FOXB2: variants seen among roughly 807,000 people sequenced by gnomAD.
The protein encoded by FOXB2 is forkhead box B2, also known as forkhead box protein B2.
FOXB2 carries 1 observed loss-of-function variant against 0.9 expected under a neutral mutation model. The observed-to-expected ratio is 1.09, with a 90% CI of 0.39 to 5.18. The LOEUF (loss-of-function observed/expected upper bound fraction) is 5.18. FOXB2 is among the 30% of genes most tolerant of loss of function. FOXB2 has a pLI of 0.16. For synonymous variants in FOXB2, 322 were observed against 293.5 expected (o/e 1.10, Z -0.99); for missense variants, 670 against 626.6 (o/e 1.07, Z -0.74).
chr9:77,019,844 A>G lies in FOXB2; in HGVS notation c.190A>G (p.Asn64Asp). 1.2e-6 allele frequency: 2 copies of G among 1,614,034 alleles called. No homozygotes were observed. Among genetic ancestry groups the G allele is most frequent in the African/African-American group, 1.3e-5 (1 of 75,008 alleles). Residue 64 changes from asparagine (N) to aspartate (D), a missense_variant, in exon 1 of 1, where the codon AAC becomes GAC. Physicochemically the swap from Asn to Asp is conservative, Grantham distance 23 (BLOSUM62 1). Transcript: ENST00000376708. The surrounding 1 kb of genome is among the most constrained non-coding windows in gnomAD (Gnocchi z 4.4). ...GCGCTGGCAGAACAGCCTGCGCCAC[A>G]ACCTCTCCTTCAACGACTGCTTCAT... is the stretch of plus-strand genomic sequence containing the variant. ...TQRWQNSLRH[N>D]LSFNDCFIKI...
chr9:77,020,483 G>A lies in FOXB2; in HGVS notation c.829G>A (p.Gly277Ser), dbSNP rs1473656122. 22 of 1,607,566 alleles carry A rather than the reference G, an allele frequency of 1.4e-5. No individual in the cohort carries two copies. The highest frequency in any genetic ancestry group is 1.9e-5 in the Non-Finnish European group (22 of 1,178,018). ...CCCCTTTGCCATTGAGAACATTATT[G>A]GCCGGGACTACAAGGGCGTGCTGCA... ...KHPFAIENII[G>S]RDYKGVLQAG... is the part of the protein sequence containing the mutation. Residue 277 changes from glycine (G) to serine (S), a missense_variant, in exon 1 of 1, where the codon GGC (glycine) becomes AGC (serine). By Grantham distance (56) the Gly-to-Ser change is moderately conservative. Transcript: ENST00000376708. This position sits in a 1 kb window ranked among gnomAD's most constrained non-coding sequence, Gnocchi z 4.9.
In FOXB2 at chr9:77,019,840, C is replaced by T; in HGVS notation, c.186C>T (p.Arg62=). The T allele has an allele frequency of 6.2e-7, 1 of 1,614,140 alleles. No individual in the cohort carries two copies. Among genetic ancestry groups the T allele is most frequent in the Non-Finnish European group, 8.5e-7 (1 of 1,180,022 alleles). ...CACAGCGCTGGCAGAACAGCCTGCG[C>T]CACAACCTCTCCTTCAACGACTGCT... is the stretch of plus-strand genomic sequence containing the variant. ...EHTQRWQNSL[R]HNLSFNDCFI... The change falls in exon 1 of 1, where the codon CGC becomes CGT. Residue 62 remains arginine (R), a synonymous_variant. Transcript: ENST00000376708. This position sits in a 1 kb window ranked among gnomAD's most constrained non-coding sequence, Gnocchi z 4.4.
In FOXB2 at chr9:77,020,362, C is replaced by T. The variant is rs767625446; in HGVS notation, c.708C>T (p.Gly236=). The T allele has an allele frequency of 4.6e-6, 6 of 1,311,386 alleles. No individual in the cohort carries two copies. Among genetic ancestry groups the T allele is most frequent in the Non-Finnish European group, 5.8e-6 (6 of 1,034,516 alleles). The allele number at this position is 1,311,386 out of a possible 1,614,324, so 81.2% of individuals were successfully genotyped here. ...CGGCGGCCGCGGCAGCCGCGGTGGG[C>T]AGCGTGGGACGCCTGTCTCAGTTCC... ...AAAAAAAAAV[G]SVGRLSQFPP... Residue 236 remains glycine, a synonymous_variant, in exon 1 of 1, where the codon GGC becomes GGT. Coordinates refer to ENST00000376708, the MANE Select transcript of FOXB2 (RefSeq NM_001013735.1). This position sits in a 1 kb window ranked among gnomAD's most constrained non-coding sequence, Gnocchi z 4.9.
In FOXB2 at chr9:77,020,813, G is replaced by C. The variant is rs377521125; in HGVS notation, c.1159G>C (p.Ala387Pro). The change falls in exon 1 of 1, where the codon GCT becomes CCT. Residue 387 changes from alanine (A) to proline (P), a missense_variant. Ala to Pro is a conservative substitution (Grantham distance 27). Coordinates refer to ENST00000376708, the MANE Select transcript of FOXB2 (RefSeq NM_001013735.1). This position sits in a 1 kb window ranked among gnomAD's most constrained non-coding sequence, Gnocchi z 4.9. ...ALQPGLTVPA[A>P]SQQPPAPSTV... ...GCAGCCGGGGCTCACTGTCCCCGCGGCTTCGCAGCAGCCTCCGGCGCCATC... is the reference window on the plus strand; with the variant it reads ...GCAGCCGGGGCTCACTGTCCCCGCGCCTTCGCAGCAGCCTCCGGCGCCATC... 7.2e-4 allele frequency: 1,115 copies of C among 1,556,488 alleles called. 3 individuals are homozygous for C. Among genetic ancestry groups the C allele is most frequent in the Middle Eastern group, 5.7e-3 (34 of 5,922 alleles).
Position 77,020,042 on chromosome 9 carries a change from G to A in FOXB2, c.388G>A (p.Ala130Thr). 6.2e-7 allele frequency: 1 copy of A among 1,605,992 alleles called. No homozygotes were observed. Among genetic ancestry groups the A allele is most frequent in the South Asian group, 1.1e-5 (1 of 90,384 alleles). Residue 130 changes from alanine (A) to threonine (T), a missense_variant, in exon 1 of 1, where the codon GCC becomes ACC. Ala to Thr is a moderately conservative substitution (Grantham distance 58). Coordinates refer to ENST00000376708, the MANE Select transcript of FOXB2 (RefSeq NM_001013735.1). The surrounding 1 kb of genome is among the most constrained non-coding windows in gnomAD (Gnocchi z 4.9). ...HAGSTKSAPG[A>T]GPGGHLHPHH... ...GGGAAGCACCAAGAGCGCGCCGGGCGCCGGTCCGGGAGGGCACCTTCACCC... is the reference window on the plus strand; with the variant it reads ...GGGAAGCACCAAGAGCGCGCCGGGCACCGGTCCGGGAGGGCACCTTCACCC...
Position 77,020,260 on chromosome 9 carries a change from G to T in FOXB2, c.606G>T (p.Pro202=), listed in dbSNP as rs2063911379. The T allele has an allele frequency of 1.5e-6, 2 of 1,320,756 alleles. No individual in the cohort carries two copies. Among genetic ancestry groups the T allele is most frequent in the Non-Finnish European group, 2.2e-6 (2 of 929,978 alleles). 81.8% of individuals were successfully genotyped at this position (1,320,756 alleles called of 1,614,324 possible). The change falls in exon 1 of 1, where the codon CCG becomes CCT. Residue 202 remains proline, a synonymous_variant. Coordinates refer to ENST00000376708, the MANE Select transcript of FOXB2 (RefSeq NM_001013735.1). The surrounding 1 kb of genome is among the most constrained non-coding windows in gnomAD (Gnocchi z 4.9). ...PHLPSQPPQQ[P]PQQSQPQQPS... Reference sequence around the variant, plus strand: ...TCCCGTCACAGCCCCCGCAGCAACCGCCCCAGCAGTCGCAGCCTCAGCAGC... The same window carrying T: ...TCCCGTCACAGCCCCCGCAGCAACCTCCCCAGCAGTCGCAGCCTCAGCAGC...
chr9:77,020,712 A>C lies in FOXB2; in HGVS notation c.1058A>C (p.His353Pro). The C allele has an allele frequency of 1.3e-6, 2 of 1,597,804 alleles. No homozygotes were observed. The highest frequency in any genetic ancestry group is 1.4e-5 in the African/African-American group (1 of 73,842). ...GGGGTCCCGGTCAAGTCCCTGTGCC[A>C]CTCGGCAAGCCAGAGCCTGCCTGCC... Reference protein sequence around the residue: ...AFGVPVKSLCHSASQSLPAMP... With the variant: ...AFGVPVKSLCPSASQSLPAMP... The change falls in exon 1 of 1, where the codon CAC (histidine) becomes CCC (proline). Residue 353 changes from histidine to proline, a missense_variant. Transcript: ENST00000376708. This position sits in a 1 kb window ranked among gnomAD's most constrained non-coding sequence, Gnocchi z 4.9.
Position 77,020,116 on chromosome 9 carries a change from ACAC to A in FOXB2, c.471_473del (p.His161del), listed in dbSNP as rs1564571574. 6.3e-6 allele frequency: 9 copies of A among 1,432,174 alleles called. No homozygotes were observed. Among genetic ancestry groups the A allele is most frequent in the Non-Finnish European group, 7.5e-6 (8 of 1,070,848 alleles). 88.7% of individuals were successfully genotyped at this position (1,432,174 alleles called of 1,614,324 possible). On this transcript the variant is annotated inframe_deletion, in exon 1 of 1. Coordinates refer to ENST00000376708, the MANE Select transcript of FOXB2 (RefSeq NM_001013735.1). This position sits in a 1 kb window ranked among gnomAD's most constrained non-coding sequence, Gnocchi z 4.9. Reference sequence around the variant, plus strand: ...ACCACCATCATCACCACGCTGCCGCACACCACCACCATCACCACCACCCACCCC... The same window carrying A: ...ACCACCATCATCACCACGCTGCCGCACACCACCATCACCACCACCCACCCC...
In FOXB2 at chr9:77,020,669, C is replaced by T; in HGVS notation, c.1015C>T (p.Pro339Ser). 1.2e-6 allele frequency: 2 copies of T among 1,604,174 alleles called. No homozygotes were observed. Among genetic ancestry groups the T allele is most frequent in the Non-Finnish European group, 1.7e-6 (2 of 1,176,644 alleles). ...AAAAAGVPVG[P>S]EYGAFGVPVK... is the part of the protein sequence containing the mutation. ...AGCCGCAGCCGGAGTCCCTGTAGGCCCGGAGTATGGGGCCTTCGGGGTCCC... is the reference window on the plus strand; with the variant it reads ...AGCCGCAGCCGGAGTCCCTGTAGGCTCGGAGTATGGGGCCTTCGGGGTCCC... The change falls in exon 1 of 1, where the codon CCG (proline) becomes TCG (serine). Residue 339 changes from proline (P) to serine (S), a missense_variant. By Grantham distance (74) the Pro-to-Ser change is moderately conservative. Coordinates refer to ENST00000376708, the MANE Select transcript of FOXB2 (RefSeq NM_001013735.1). The surrounding 1 kb of genome is among the most constrained non-coding windows in gnomAD (Gnocchi z 4.9).
Position 77,020,676 on chromosome 9 carries a change from A to G in FOXB2, c.1022A>G (p.Tyr341Cys), listed in dbSNP as rs1589908667. 6.2e-7 allele frequency: 1 copy of G among 1,603,482 alleles called. No homozygotes were observed. Among genetic ancestry groups the G allele is most frequent in the Non-Finnish European group, 8.5e-7 (1 of 1,176,364 alleles). ...GCCGGAGTCCCTGTAGGCCCGGAGT[A>G]TGGGGCCTTCGGGGTCCCGGTCAAG... ...AAAGVPVGPEYGAFGVPVKSL... is the reference protein window; with the variant it reads ...AAAGVPVGPECGAFGVPVKSL... Residue 341 changes from tyrosine (Y) to cysteine (C), a missense_variant, in exon 1 of 1, where the codon TAT becomes TGT. Coordinates refer to ENST00000376708, the MANE Select transcript of FOXB2 (RefSeq NM_001013735.1). This position sits in a 1 kb window ranked among gnomAD's most constrained non-coding sequence, Gnocchi z 4.9.
chr9:77,020,403 G>C lies in FOXB2; in HGVS notation c.749G>C (p.Gly250Ala), dbSNP rs1487882112. ...TCTCAGTTCCCACCCTACGGGCTGG[G>C]CTCGGCCGCCGCCGCTGCCGCCGCG... ...RLSQFPPYGL[G>A]SAAAAAAAAA... The change falls in exon 1 of 1, where the codon GGC (glycine) becomes GCC (alanine). Residue 250 changes from glycine to alanine, a missense_variant. Physicochemically the swap from Gly to Ala is moderately conservative, Grantham distance 60 (BLOSUM62 0). Transcript: ENST00000376708. This position sits in a 1 kb window ranked among gnomAD's most constrained non-coding sequence, Gnocchi z 4.9. 1.3e-6 allele frequency: 2 copies of C among 1,581,504 alleles called. No homozygotes were observed. Among genetic ancestry groups the C allele is most frequent in the South Asian group, 2.3e-5 (2 of 88,424 alleles).
chr9:77,020,817 C>G lies in FOXB2; in HGVS notation c.1163C>G (p.Ser388Trp). 2 of 1,554,794 alleles carry G rather than the reference C, an allele frequency of 1.3e-6. No individual in the cohort carries two copies. Among genetic ancestry groups the G allele is most frequent in the Non-Finnish European group, 1.7e-6 (2 of 1,156,624 alleles). The change falls in exon 1 of 1, where the codon TCG becomes TGG. Residue 388 changes from serine (S) to tryptophan (W), a missense_variant. Coordinates refer to ENST00000376708, the MANE Select transcript of FOXB2 (RefSeq NM_001013735.1). The surrounding 1 kb of genome is among the most constrained non-coding windows in gnomAD (Gnocchi z 4.9). ...LQPGLTVPAA[S>W]QQPPAPSTVC... is the part of the protein sequence containing the mutation. ...CCGGGGCTCACTGTCCCCGCGGCTT[C>G]GCAGCAGCCTCCGGCGCCATCCACC... is the stretch of plus-strand genomic sequence containing the variant.
rs762621564 is a variant in FOXB2 at position 77,020,766 on chromosome 9, C to T, written c.1112C>T (p.Ala371Val). The change falls in exon 1 of 1, where the codon GCG becomes GTG. Residue 371 changes from alanine to valine, a missense_variant. Physicochemically the swap from Ala to Val is moderately conservative, Grantham distance 64. Coordinates refer to ENST00000376708, the MANE Select transcript of FOXB2 (RefSeq NM_001013735.1). This position sits in a 1 kb window ranked among gnomAD's most constrained non-coding sequence, Gnocchi z 4.9. ...CCGGTGCCCATCAAGCCCACGCCTGCGCTGCCGCCCGTGTCCGCGCTGCAG... is the reference window on the plus strand; with the variant it reads ...CCGGTGCCCATCAAGCCCACGCCTGTGCTGCCGCCCGTGTCCGCGCTGCAG... The part of the protein sequence containing the change: ...AMPVPIKPTP[A>V]LPPVSALQPG... 2.1e-5 allele frequency: 34 copies of T among 1,586,570 alleles called. No homozygotes were observed. The highest frequency in any genetic ancestry group is 2.6e-5 in the Non-Finnish European group (31 of 1,171,226).
rs1484247622 is a variant in FOXB2, at chr9:77,020,317, G to T, written c.663G>T (p.Ala221=). The T allele has an allele frequency of 2.4e-6, 3 of 1,246,072 alleles. No homozygotes were observed. The highest frequency in any genetic ancestry group is 3.0e-6 in the Non-Finnish European group (3 of 992,718). The allele number at this position is 1,246,072 out of a possible 1,614,324, so 77.2% of individuals were successfully genotyped here. The change falls in exon 1 of 1, where the codon GCG becomes GCT. Residue 221 remains alanine (A), a synonymous_variant. Coordinates refer to ENST00000376708, the MANE Select transcript of FOXB2 (RefSeq NM_001013735.1). This position sits in a 1 kb window ranked among gnomAD's most constrained non-coding sequence, Gnocchi z 4.9. ...PSHPGKMQEA[A]AVAAAAAAAA... Reference sequence around the variant, plus strand: ...ACCCCGGCAAGATGCAGGAGGCGGCGGCCGTGGCGGCGGCGGCGGCGGCGG... The same window carrying T: ...ACCCCGGCAAGATGCAGGAGGCGGCTGCCGTGGCGGCGGCGGCGGCGGCGG...
chr9:77,020,238 C>G lies in FOXB2; in HGVS notation c.584C>G (p.Pro195Arg), dbSNP rs766331481. The G allele has an allele frequency of 7.4e-6, 9 of 1,211,034 alleles. No homozygotes were observed. The highest frequency in any genetic ancestry group is 7.0e-5 in the East Asian group (3 of 42,928). 75.0% of individuals were successfully genotyped at this position (1,211,034 alleles called of 1,614,324 possible). Residue 195 changes from proline to arginine, a missense_variant, in exon 1 of 1, where the codon CCG (proline) becomes CGG (arginine). Pro to Arg is a moderately radical substitution (Grantham distance 103, BLOSUM62 -2). Transcript: ENST00000376708. The surrounding 1 kb of genome is among the most constrained non-coding windows in gnomAD (Gnocchi z 4.9). ...PTAPQPPPHLPSQPPQQPPQQ... is the reference protein window; with the variant it reads ...PTAPQPPPHLRSQPPQQPPQQ... ...GCTCCGCAGCCGCCTCCGCACCTCC[C>G]GTCACAGCCCCCGCAGCAACCGCCC...
At position 77,019,669 on chromosome 9, in the gene FOXB2, G is replaced by A. The variant is rs527349996; in HGVS notation, c.15G>A (p.Gly5=). The part of the protein sequence containing the change: MPRP[G]KSSYSDQKPP... Reference sequence around the variant, plus strand: ...AGCCGGGGGCGATGCCGCGGCCGGGGAAGAGCTCGTACAGCGACCAAAAAC... The same window carrying A: ...AGCCGGGGGCGATGCCGCGGCCGGGAAAGAGCTCGTACAGCGACCAAAAAC... The change falls in exon 1 of 1, where the codon GGG becomes GGA. Residue 5 remains glycine, a synonymous_variant. Transcript: ENST00000376708. The surrounding 1 kb of genome is among the most constrained non-coding windows in gnomAD (Gnocchi z 4.4). 305 of 1,582,384 alleles carry A rather than the reference G, an allele frequency of 1.9e-4. 4 individuals carry two copies. In the South Asian group the frequency reaches 3.4e-3, roughly 18 times the overall value.
rs200632663 is a variant in FOXB2 at position 77,020,854 on chromosome 9, G to A, written c.1200G>A (p.Ala400=). The change falls in exon 1 of 1, where the codon GCG becomes GCA. Residue 400 remains alanine, a synonymous_variant. Transcript: ENST00000376708. The surrounding 1 kb of genome is among the most constrained non-coding windows in gnomAD (Gnocchi z 4.9). ...QPPAPSTVCS[A]AAASPVASLL... is the part of the protein sequence containing the mutation. ...CGGCGCCATCCACCGTGTGCTCCGC[G>A]GCCGCGGCCTCGCCCGTTGCCTCTC... 5.2e-6 allele frequency: 8 copies of A among 1,548,438 alleles called. No homozygotes were observed. The highest frequency in any genetic ancestry group is 6.9e-6 in the Non-Finnish European group (8 of 1,153,636).
rs148665093 is a variant in FOXB2 at position 77,020,523 on chromosome 9, C to G, written c.869C>G (p.Pro290Arg). The change falls in exon 1 of 1, where the codon CCC becomes CGC. Residue 290 changes from proline (P) to arginine (R), a missense_variant. Pro to Arg is a moderately radical substitution (Grantham distance 103, BLOSUM62 -2). Transcript: ENST00000376708. This position sits in a 1 kb window ranked among gnomAD's most constrained non-coding sequence, Gnocchi z 4.9. ...GGCGTGCTGCAGGCTGGAGGGCTGC[C>G]CTTGGCGTCCGTCATGCACCACCTG... is the stretch of plus-strand genomic sequence containing the variant. ...YKGVLQAGGL[P>R]LASVMHHLGY... 6.2e-7 allele frequency: 1 copy of G among 1,610,584 alleles called. No individual in the cohort carries two copies. The highest frequency in any genetic ancestry group is 1.3e-5 in the African/African-American group (1 of 74,484).
In FOXB2 at chr9:77,019,765, C is replaced by A; in HGVS notation, c.111C>A (p.Ser37Arg). The A allele has an allele frequency of 6.2e-7, 1 of 1,614,128 alleles. No homozygotes were observed. Among genetic ancestry groups the A allele is most frequent in the Non-Finnish European group, 8.5e-7 (1 of 1,180,024 alleles). The change falls in exon 1 of 1, where the codon AGC (serine) becomes AGA (arginine). Residue 37 changes from serine to arginine, a missense_variant. Ser to Arg is a moderately radical substitution (Grantham distance 110). Coordinates refer to ENST00000376708, the MANE Select transcript of FOXB2 (RefSeq NM_001013735.1). The surrounding 1 kb of genome is among the most constrained non-coding windows in gnomAD (Gnocchi z 4.4). Reference sequence around the variant, plus strand: ...CGGCCGAGAAGATGCTGCCGCTGAGCGACATCTACAAGTTCATCATGGAGC... The same window carrying A: ...CGGCCGAGAAGATGCTGCCGCTGAGAGACATCTACAAGTTCATCATGGAGC... Reference protein sequence around the residue: ...QHSAEKMLPLSDIYKFIMERF... With the variant: ...QHSAEKMLPLRDIYKFIMERF...
Sources: allele counts gnomAD v4.1 joint callset, GRCh38; gene constraint gnomAD v4.1.1; non-coding constraint Gnocchi (gnomAD v3.1); transcripts MANE v1.5; gene names NCBI Gene and HGNC (gene_info 2026-07-23, HGNC 2026-07-21).